Variants in NUP98 observed in about 807,000 individuals in gnomAD.
NUP98 encodes the protein nuclear pore complex protein Nup98-Nup96.
NUP98 carries 26 observed loss-of-function variants against 191.9 expected under a neutral mutation model. The ratio of observed to expected loss-of-function variants is 0.14; its 90% CI spans 0.10 to 0.19. NUP98 has a LOEUF of 0.19. NUP98 is among the 10% of genes least tolerant of loss of function. The probability of loss-of-function intolerance (pLI) is 1.00; values close to 1 mark genes in which losing one functional copy is unlikely to be tolerated. For missense variants in NUP98, 1,941 were observed against 2,178.8 expected (o/e 0.89, Z 2.17); for synonymous variants, 808 against 778.4 (o/e 1.04, Z -0.63).
At chr11:3,788,168 AT>A (rs1360897849) in intron 1 of NUP98, among the ~76,000 whole-genome samples, 1 of 152,164 alleles carries the variant, frequency 6.6e-6, no homozygotes, top group African/African-American at 2.4e-5. Flanking sequence ...CTGGGTGTAA[AT>A]TAATTTTAAA....
At position 3,797,361 on chromosome 11, in the gene NUP98, T is replaced by C. The variant is rs897571237; in HGVS notation, c.-29+39A>G. The C allele has an allele frequency of 7.0e-5, 28 of 400,700 alleles. No homozygotes were observed. The East Asian group carries it at 1.0e-3, about 14-fold the overall frequency. 24.8% of individuals were successfully genotyped at this position (400,700 alleles called of 1,614,324 possible). A position where few individuals can be genotyped will look rare whatever the true frequency, so the allele number is the denominator to read the frequency against. ...GCCCGCCCGGAAGGGGGGAGAAACC[T>C]GCCGGTCTCGGCCGCTGCAGCTCGG... On this transcript the variant is annotated intron_variant, in intron 1 of 32. Transcript: ENST00000324932.
chr11:3,729,233 A>G (rs942992672), intron 14 of NUP98, among the ~76,000 whole-genome samples: 1 of 152,142 alleles, frequency 6.6e-6, no homozygotes, highest in African/African-American at 2.4e-5. Flanking sequence ...AATGTGATCA[A>G]CAACTGAGCC....
intron 12 of NUP98, 30 bp from the exon 13 acceptor site, chr11:3,735,354 A>G: frequency 8.9e-7 from 1 of 1,125,792 alleles, no homozygotes; most frequent in Non-Finnish European, 1.2e-6. Flanking sequence ...AAAACAAAAT[A>G]TATATATATA....
intron 21 of NUP98, 61 bp downstream of exon 21, chr11:3,706,384 G>A: frequency 1.4e-6 from 2 of 1,470,742 alleles, no homozygotes; most frequent in South Asian, 2.3e-5. Context: ...CTGATCCTAT[G>A]CAATGGAGAT....
At chr11:3,783,259 G>A (rs988424836) in intron 1 of NUP98, among the ~76,000 whole-genome samples, 18 of 151,894 alleles carry the variant, frequency 1.2e-4, no homozygotes, top group African/African-American at 2.2e-4. Context: ...GTGGTGACAC[G>A]GGACTGTAGT....
At chr11:3,756,101 G>A (rs948400369) in intron 10 of NUP98, among the ~76,000 whole-genome samples, 2 of 152,118 alleles carry the variant, frequency 1.3e-5, no homozygotes, top group African/African-American at 4.8e-5. Context: ...GCCTACTCAA[G>A]CATCATCAAT....
chr11:3,735,179 C>A lies in NUP98; in HGVS notation c.1542+12G>T. 6.4e-7 allele frequency: 1 copy of A among 1,571,176 alleles called. No homozygotes were observed. Among genetic ancestry groups the A allele is most frequent in the Non-Finnish European group, 8.6e-7 (1 of 1,159,650 alleles). ...TTGATATGATATTTTACAGAAGTAT[C>A]CTTAAATTTACCTCTTCCTTCTTCT... is the stretch of plus-strand genomic sequence containing the variant. On this transcript the variant is annotated intron_variant, in intron 13 of 32. Coordinates refer to ENST00000324932, the MANE Select transcript of NUP98 (RefSeq NM_016320.5).
chr11:3,678,890 G>C (rs1164007850), intron 31 of NUP98, among the ~76,000 whole-genome samples: 1 of 152,132 alleles, frequency 6.6e-6, no homozygotes, highest in Non-Finnish European at 1.5e-5. Flanking sequence ...GGGAGGCCAA[G>C]GTGGGCCGAT....
At chr11:3,763,269 T>C (rs779542110) in intron 8 of NUP98, among the ~76,000 whole-genome samples, 1 of 152,104 alleles carries the variant, frequency 6.6e-6, no homozygotes, top group Admixed American at 6.6e-5. Flanking sequence ...TCCTGAATGG[T>C]AGGAACAGAA....
At chr11:3,713,678 C>T in intron 19 of NUP98, 140 bp downstream of exon 19, 3 of 782,180 alleles carry the variant, frequency 3.8e-6, no homozygotes, top group Non-Finnish European at 6.0e-6. Context: ...ATGATCCCAC[C>T]ATTGTACTCC....
At position 3,755,298 on chromosome 11, in the gene NUP98, G is replaced by GAA. The variant is rs34400646; in HGVS notation, c.1175-1892_1175-1891dup. 3.3e-3 allele frequency among the ~76,000 whole-genome samples: 455 copies of GAA among 136,724 alleles called. 2 individuals are homozygous for GAA. The highest frequency in any genetic ancestry group is 0.01 in the African/African-American group (375 of 36,822). 89.7% of individuals were successfully genotyped at this position (136,724 alleles called of 152,430 possible). On this transcript the variant is annotated intron_variant, in intron 10 of 32. Coordinates refer to ENST00000324932, the MANE Select transcript of NUP98 (RefSeq NM_016320.5). ...TGTGAAACCTCTTCTCTACTACCAC[G>GAA]AAAAAAAAAAAAAAAATTAGCTGGC...
Position 3,723,182 on chromosome 11 carries a change from A to C in NUP98, c.2121T>G (p.Asn707Lys). The C allele has an allele frequency of 6.2e-7, 1 of 1,614,118 alleles. No homozygotes were observed. Among genetic ancestry groups the C allele is most frequent in the Non-Finnish European group, 8.5e-7 (1 of 1,180,008 alleles). The part of the protein sequence containing the change: ...SLQDDREEIE[N>K]NSYHMHPAGI... ...CTGCTGGGTGCATATGGTAAGAATT[A>C]TTTTCTATTTCTTCTCGGTCATCCT... The change falls in exon 16 of 33, where the codon AAT (asparagine) becomes AAG (lysine). Residue 707 changes from asparagine to lysine, a missense_variant. Coordinates refer to ENST00000324932, the MANE Select transcript of NUP98 (RefSeq NM_016320.5).
chr11:3,746,992 T>C (rs540384681), intron 11 of NUP98, among the ~76,000 whole-genome samples: 9 of 152,272 alleles, frequency 5.9e-5, no homozygotes, highest in African/African-American at 1.4e-4. Context: ...CTACTGACTA[T>C]TGCAATGGAA....
At chr11:3,685,748 T>C (rs1408779085) in intron 29 of NUP98, among the ~76,000 whole-genome samples, 1 of 152,182 alleles carries the variant, frequency 6.6e-6, no homozygotes, top group East Asian at 1.9e-4. Context: ...GTGATAAATA[T>C]TATAATTTGG....
At chr11:3,757,511 CA>C (rs926556655) in intron 10 of NUP98, among the ~76,000 whole-genome samples, 23 of 150,982 alleles carry the variant, frequency 1.5e-4, no homozygotes, top group Non-Finnish European at 3.1e-4. Flanking sequence ...CAAAACAAAA[CA>C]AAAATGCCGA....
chr11:3,693,342 C>G lies in NUP98; in HGVS notation c.4201G>C (p.Val1401Leu), dbSNP rs924307529. The change falls in exon 27 of 33, where the codon GTG becomes CTG. Residue 1401 changes from valine to leucine, a missense_variant. Around this residue, in one of 6 missense-constraint regions of NUP98, gnomAD observed 1,030 missense variants for 1,115.8 expected, o/e 0.92. Transcript: ENST00000324932. ...WQLSEKKQIN[V>L]CSQLDWKRSL... ...CGTTTCCAATCCAACTGGGAGCACACGTTTATTTGCTTCTTTTCTGAGAGC... is the reference window on the plus strand; with the variant it reads ...CGTTTCCAATCCAACTGGGAGCACAGGTTTATTTGCTTCTTTTCTGAGAGC... 1 of 1,614,000 alleles carries G rather than the reference C, an allele frequency of 6.2e-7. No individual in the cohort carries two copies. The highest frequency in any genetic ancestry group is 8.5e-7 in the Non-Finnish European group (1 of 1,180,020).
chr11:3,758,056 G>A (rs1042875655), intron 10 of NUP98, among the ~76,000 whole-genome samples: 4 of 151,908 alleles, frequency 2.6e-5, no homozygotes, highest in South Asian at 4.2e-4. Flanking sequence ...GGTGGCTCAC[G>A]CCTGTAATCC....
At chr11:3,733,922 CATAA>C (rs942170938) in intron 13 of NUP98, among the ~76,000 whole-genome samples, 10 of 152,270 alleles carry the variant, frequency 6.6e-5, no homozygotes, top group Middle Eastern at 3.4e-3. Context: ...AATTAGGCTG[CATAA>C]ATAATTGTCT....
rs890586119 is a variant in NUP98, at chr11:3,752,116, C to G, written c.1267+1200G>C. On this transcript the variant is annotated intron_variant, in intron 11 of 32. Transcript: ENST00000324932. The stretch of plus-strand genomic sequence containing the variant: ...CCGAGATTATGCCACTGCACTCCAG[C>G]CTGGGGGACGGAGCAAGACTCCATC... Among the ~76,000 whole-genome samples, 5 of 150,890 alleles carry G rather than the reference C, an allele frequency of 3.3e-5. No individual in the cohort carries two copies. The Admixed American group carries it at 3.3e-4, about 10-fold the overall frequency.
Sources: allele counts gnomAD v4.1 joint callset (sites outside exome capture counted in the v4.1 genomes callset), GRCh38; gene constraint gnomAD v4.1.1; regional missense constraint gnomAD v4.1.1; transcripts MANE v1.5; gene names NCBI Gene and HGNC (gene_info 2026-07-23, HGNC 2026-07-21).